The following SYNE1 variants were observed in gnomAD, a reference collection of about 807,000 sequenced individuals.
SYNE1 encodes the protein nesprin-1.
A neutral mutation model predicts 1,111.0 loss-of-function variants in SYNE1; 616 were observed. That is an observed-to-expected ratio of 0.55 (90% CI 0.52 to 0.59). The LOEUF is 0.59. Ranked by LOEUF, SYNE1 falls within the 20% of genes least tolerant of loss-of-function variation. The probability of loss-of-function intolerance (pLI) is 0.00; values close to 1 mark genes in which losing one functional copy is unlikely to be tolerated. For synonymous variants in SYNE1, 3,855 were observed against 3,825.8 expected (o/e 1.01, Z -0.28); for missense variants, 10,006 against 10,417.0 (o/e 0.96, Z 1.72).
chr6:152,356,022 C>A (rs2096831193), intron 66 of SYNE1, among the ~76,000 whole-genome samples: 1 of 151,896 alleles, frequency 6.6e-6, no homozygotes, highest in African/African-American at 2.4e-5. Flanking sequence ...AAATTGGCAA[C>A]AAATACATAA....
rs17082709 is a variant in SYNE1 at position 152,455,960 on chromosome 6, A to C, written c.2653T>G (p.Leu885Val). Reference sequence around the variant, plus strand: ...TCAAAATGCTTTAACACGTTGCTCAAGGTCACAAACTTTTGAACACTTTGA... The same window carrying C: ...TCAAAATGCTTTAACACGTTGCTCACGGTCACAAACTTTTGAACACTTTGA... ...GSQSVQKFVT[L>V]SNVLKHFDQT... The change falls in exon 23 of 146, where the codon TTG becomes GTG. Residue 885 changes from leucine (L) to valine (V), a missense_variant. Around this residue, in one of 7 missense-constraint regions of SYNE1, gnomAD observed 1,971 missense variants for 2,084.1 expected, o/e 0.95. Coordinates refer to ENST00000367255, the MANE Select transcript of SYNE1 (RefSeq NM_182961.4). 0.059 allele frequency: 95,483 copies of C among 1,614,058 alleles called. 3,084 individuals are homozygous for C. Among genetic ancestry groups the C allele is most frequent in the Middle Eastern group, 0.063 (383 of 6,062 alleles).
Position 152,373,210 on chromosome 6 carries a change from A to T in SYNE1, c.9334T>A (p.Ser3112Thr). ...TSLQKIQEFL[S>T]ESENGQHKLN... The stretch of plus-strand genomic sequence containing the variant: ...TTGTGCTGTCCATTTTCACTTTCTG[A>T]CAAAAACTCCTATAAAAGAAAATAT... The change falls in exon 59 of 146, where the codon TCA (serine) becomes ACA (threonine). Residue 3112 changes from serine to threonine, a missense_variant. By Grantham distance (58) the Ser-to-Thr change is moderately conservative. Around this residue, in one of 7 missense-constraint regions of SYNE1, gnomAD observed 4,955 missense variants for 5,017.2 expected, o/e 0.99. Transcript: ENST00000367255. 1 of 1,611,444 alleles carries T rather than the reference A, an allele frequency of 6.2e-7. No individual in the cohort carries two copies. Among genetic ancestry groups the T allele is most frequent in the Non-Finnish European group, 8.5e-7 (1 of 1,179,628 alleles).
At chr6:152,402,895 C>T (rs1354430377) in intron 46 of SYNE1, among the ~76,000 whole-genome samples, 2 of 152,112 alleles carry the variant, frequency 1.3e-5, no homozygotes, top group African/African-American at 4.8e-5. Flanking sequence ...CCAACACAGG[C>T]GGCATGCATA....
intron 3 of SYNE1, among the ~76,000 whole-genome samples, chr6:152,599,668 C>G (rs1419774455): frequency 6.6e-6 from 1 of 152,214 alleles, no homozygotes; most frequent in Admixed American, 6.5e-5. Context: ...AACTAAAATT[C>G]TGCTGCCTTT....
intron 4 of SYNE1, 85 bp from the exon 5 acceptor site, chr6:152,526,260 G>A: frequency 4.3e-6 from 6 of 1,404,158 alleles, no homozygotes; most frequent in Non-Finnish European, 6.0e-6. Flanking sequence ...TGTTACTTAT[G>A]GTGGTGAAAT....
At chr6:152,175,242 C>A (rs894630631) in intron 130 of SYNE1, among the ~76,000 whole-genome samples, 1 of 152,030 alleles carries the variant, frequency 6.6e-6, no homozygotes, top group Non-Finnish European at 1.5e-5. Flanking sequence ...ACATTTATTC[C>A]ATTTTGTTTC....
In SYNE1 at chr6:152,215,037, G is replaced by A. The variant is rs560939744; in HGVS notation, c.22215C>T (p.Ser7405=). 1.2e-4 allele frequency: 197 copies of A among 1,614,058 alleles called. 1 individual carries two copies. The South Asian group carries it at 2.1e-3, about 17-fold the overall frequency. The change falls in exon 122 of 146, where the codon AGC becomes AGT. Residue 7405 remains serine (S), a synonymous_variant. Transcript: ENST00000367255. ...TTAGACGGTCTAAATCTGGAGCCATGCTGCTGAATTTTAACATCTGTCCCT... is the reference window on the plus strand; with the variant it reads ...TTAGACGGTCTAAATCTGGAGCCATACTGCTGAATTTTAACATCTGTCCCT... ...ELKGQMLKFS[S]MAPDLDRLNE... is the part of the protein sequence containing the mutation.
intron 145 of SYNE1, chr6:152,125,638 A>C: frequency 3.4e-6 from 1 of 294,950 alleles, no homozygotes; most frequent in Admixed American, 4.7e-5. Context: ...ATGAGTTATA[A>C]CAGAGTGACT....
At chr6:152,385,868 A>T (rs778531354) in intron 54 of SYNE1, 30 bp from the exon 55 acceptor site, 31 of 1,612,202 alleles carry the variant, frequency 1.9e-5, no homozygotes, top group Middle Eastern at 1.6e-4. Flanking sequence ...CTACCTTAAC[A>T]GTGGTCCTTT....
Position 152,323,495 on chromosome 6 carries a change from C to A in SYNE1, c.15900G>T (p.Met5300Ile). Residue 5300 changes from methionine (M) to isoleucine (I), a missense_variant, in exon 82 of 146, where the codon ATG becomes ATT. Met to Ile is a conservative substitution (Grantham distance 10, BLOSUM62 1). Transcript: ENST00000367255. ...EPPLMQEITA[M>I]QDRCLNMQEK... ...TTAATTACTTCAGGCACCGATCTTG[C>A]ATGGCGGTGATTTCCTGCATGAGCG... 2 of 1,613,970 alleles carry A rather than the reference C, an allele frequency of 1.2e-6. No homozygotes were observed. The highest frequency in any genetic ancestry group is 1.7e-6 in the Non-Finnish European group (2 of 1,180,034).
chr6:152,505,804 G>A (rs1363220521), intron 8 of SYNE1, among the ~76,000 whole-genome samples: 1 of 143,948 alleles, frequency 6.9e-6, no homozygotes, highest in African/African-American at 2.7e-5. Context: ...GATGCCAAAA[G>A]TGACAGTAAT....
At chr6:152,180,523 T>C (rs1319945218) in intron 128 of SYNE1, among the ~76,000 whole-genome samples, 3 of 151,936 alleles carry the variant, frequency 2.0e-5, no homozygotes, top group African/African-American at 7.3e-5. Flanking sequence ...TTCTGGATAA[T>C]GCAACTTCAC....
chr6:152,471,473 C>T, intron 16 of SYNE1, 124 bp downstream of exon 16: 1 of 879,776 alleles, frequency 1.1e-6, no homozygotes, highest in South Asian at 1.5e-5. Context: ...TGTATCTAAC[C>T]CATTTAACAC....
chr6:152,468,985 C>T (rs1203383083), intron 16 of SYNE1, among the ~76,000 whole-genome samples: 2 of 152,044 alleles, frequency 1.3e-5, no homozygotes, highest in Non-Finnish European at 2.9e-5. Context: ...ACTATATTTC[C>T]TGGGCTGGTC....
chr6:152,285,038 G>A (rs1049670087), intron 95 of SYNE1, among the ~76,000 whole-genome samples: 1 of 151,998 alleles, frequency 6.6e-6, no homozygotes, highest in Non-Finnish European at 1.5e-5. Flanking sequence ...ACTTCCAAAG[G>A]TACATCCCTA....
intron 3 of SYNE1, among the ~76,000 whole-genome samples, chr6:152,588,797 G>A (rs990475498): frequency 4.6e-5 from 7 of 152,148 alleles, no homozygotes; most frequent in Non-Finnish European, 8.8e-5. Context: ...AAAAGAGGCT[G>A]GTAGGGACAC....
At chr6:152,458,195 T>C (rs1009310769) in intron 22 of SYNE1, among the ~76,000 whole-genome samples, 5 of 152,134 alleles carry the variant, frequency 3.3e-5, no homozygotes, top group Non-Finnish European at 7.3e-5. Context: ...CTAAGAAAAG[T>C]AAATAAATAC....
intron 98 of SYNE1, among the ~76,000 whole-genome samples, chr6:152,276,271 G>A (rs1052248913): frequency 7.2e-5 from 11 of 152,010 alleles, no homozygotes; most frequent in Non-Finnish European, 1.3e-4. Context: ...CCGACCTCAG[G>A]TGATCCACCT....
chr6:152,428,288 A>G lies in SYNE1; in HGVS notation c.4893T>C (p.Ala1631=). ...GGATGTCCTCGTATTGCTGCTGTAG[A>G]GCCGCAGCCTCCTGAACACAGGAAT... The part of the protein sequence containing the change: ...NRDSCVQEAA[A]LQQQYEDILR... The change falls in exon 37 of 146, where the codon GCT becomes GCC. Residue 1631 remains alanine, a synonymous_variant. Coordinates refer to ENST00000367255, the MANE Select transcript of SYNE1 (RefSeq NM_182961.4). 2 of 1,614,126 alleles carry G rather than the reference A, an allele frequency of 1.2e-6. No individual in the cohort carries two copies. The highest frequency in any genetic ancestry group is 1.1e-5 in the South Asian group (1 of 91,084).
Sources: gnomAD v4.1 joint callset for allele counts (sites outside exome capture counted in the v4.1 genomes callset) on GRCh38, gnomAD v4.1.1 for gene constraint, gnomAD v4.1.1 regional missense constraint, MANE v1.5 for transcripts, NCBI Gene and HGNC (gene_info 2026-07-23, HGNC 2026-07-21) for gene names.